METTL15: variants seen among roughly 807,000 people sequenced by gnomAD.
METTL15 encodes 12S rRNA N(4)-cytidine methyltransferase METTL15.
A neutral mutation model predicts 38.3 loss-of-function variants in METTL15; 34 were observed. The observed-to-expected ratio is 0.89, with a 90% CI of 0.68 to 1.18. The LOEUF (loss-of-function observed/expected upper bound fraction) is 1.18, where lower values mean the gene tolerates loss of function less well. Among genes scored for constraint, METTL15 ranks in the 50% most tolerant of loss-of-function variants. The pLI, the probability that METTL15 is intolerant of heterozygous loss-of-function variation, is 0.00. For synonymous variants in METTL15, 162 were observed against 170.9 expected (o/e 0.95, Z 0.41); for missense variants, 438 against 498.4 (o/e 0.88, Z 1.15).
At chr11:28,150,616 A>G (rs1850047479) in intron 3 of METTL15, among the ~76,000 whole-genome samples, 2 of 147,582 alleles carry the variant, frequency 1.4e-5, no homozygotes, top group South Asian at 2.2e-4. Flanking sequence ...CTTTATACAC[A>G]TATCGCCTGT....
chr11:28,378,478 C>G (rs1038846984), intron 5 of METTL15, among the ~76,000 whole-genome samples: 4 of 152,256 alleles, frequency 2.6e-5, no homozygotes, highest in African/African-American at 4.8e-5. Flanking sequence ...ACCCCTTGCG[C>G]TTCCCAAGTG....
intron 3 of METTL15, among the ~76,000 whole-genome samples, chr11:28,348,331 CTG>C (rs1564902833): frequency 6.6e-6 from 1 of 152,140 alleles, no homozygotes; most frequent in Non-Finnish European, 1.5e-5. Context: ...AAGCTTTCTG[CTG>C]TAAGGAAGAG....
chr11:28,481,322 G>A (rs1019470274), intron 6 of METTL15, among the ~76,000 whole-genome samples: 1 of 152,174 alleles, frequency 6.6e-6, no homozygotes, highest in African/African-American at 2.4e-5. Context: ...AGAACTACAG[G>A]ACGATAAAAG....
At chr11:28,225,180 TC>T in intron 4 of METTL15, among the ~76,000 whole-genome samples, 1 of 152,046 alleles carries the variant, frequency 6.6e-6, no homozygotes, top group East Asian at 1.9e-4. Flanking sequence ...TAGTGTCTAC[TC>T]TTATGATAAC....
At chr11:28,386,023 A>C (rs1157260231) in intron 5 of METTL15, among the ~76,000 whole-genome samples, 1 of 152,110 alleles carries the variant, frequency 6.6e-6, no homozygotes, top group Non-Finnish European at 1.5e-5. Context: ...ATCTGATTGA[A>C]GTTGTTACCA....
chr11:28,277,684 G>A (rs896582037), intron 4 of METTL15, among the ~76,000 whole-genome samples: 7 of 151,374 alleles, frequency 4.6e-5, no homozygotes, highest in South Asian at 2.1e-4. Flanking sequence ...AGCAAGACTC[G>A]GTTTAAAAAA....
intron 3 of METTL15, chr11:28,164,130 A>G (rs1354739527): frequency 3.3e-5 from 5 of 152,102 alleles, no homozygotes; most frequent in African/African-American, 1.2e-4. Context: ...AAATCACTAT[A>G]TCTCTTTGGG....
intron 3 of METTL15, among the ~76,000 whole-genome samples, chr11:28,147,914 C>G (rs1290714730): frequency 6.6e-6 from 1 of 151,758 alleles, no homozygotes; most frequent in African/African-American, 2.4e-5. Context: ...GAGTTTAATG[C>G]TCTATCTAAC....
At chr11:28,366,182 G>C (rs1850183678) in intron 5 of METTL15, among the ~76,000 whole-genome samples, 1 of 151,932 alleles carries the variant, frequency 6.6e-6, no homozygotes, top group Non-Finnish European at 1.5e-5. Flanking sequence ...TTAGTTCAGG[G>C]GTCCTTTTGT....
At chr11:28,257,460 C>A (rs1457766396) in intron 4 of METTL15, among the ~76,000 whole-genome samples, 1 of 152,176 alleles carries the variant, frequency 6.6e-6, no homozygotes, top group Non-Finnish European at 1.5e-5. Flanking sequence ...CAGTTATTAT[C>A]CCTCTGAATA....
chr11:28,280,042 A>G (rs561671564), intron 4 of METTL15, among the ~76,000 whole-genome samples: 18 of 152,108 alleles, frequency 1.2e-4, no homozygotes, highest in Non-Finnish European at 2.2e-4. Context: ...TGCCACTACC[A>G]TATATTTTAA....
At chr11:28,356,876 C>G (rs1291879744) in intron 4 of METTL15, among the ~76,000 whole-genome samples, 4 of 152,122 alleles carry the variant, frequency 2.6e-5, no homozygotes, top group Admixed American at 1.3e-4. Flanking sequence ...CTGGCTGAAC[C>G]AGGATGTGCT....
At chr11:28,333,979 TAATG>T (rs1404834491), downstream of METTL15, among the ~76,000 whole-genome samples, 5 of 151,874 alleles carry the variant, frequency 3.3e-5, no homozygotes, top group Admixed American at 1.3e-4. Context: ...GAAGTAGAGA[TAATG>T]AATCTGTACT....
At chr11:28,116,589 C>G (rs1851968913) in intron 3 of METTL15, among the ~76,000 whole-genome samples, 3 of 152,134 alleles carry the variant, frequency 2.0e-5, no homozygotes, top group Admixed American at 2.0e-4. Context: ...AGGCAGTTTT[C>G]ATGAACTAAA....
At chr11:28,503,957 A>G (rs1197294790) in intron 6 of METTL15, among the ~76,000 whole-genome samples, 1 of 151,896 alleles carries the variant, frequency 6.6e-6, no homozygotes, top group East Asian at 1.9e-4. Flanking sequence ...GCACTTTGGG[A>G]GTCCAAGGCA....
chr11:28,367,805 A>T (rs1850201146), intron 5 of METTL15, among the ~76,000 whole-genome samples: 1 of 152,338 alleles, frequency 6.6e-6, no homozygotes, highest in Middle Eastern at 3.4e-3. Flanking sequence ...ATCTACAACT[A>T]TCTGATCTTT....
In METTL15 at chr11:28,280,129, C is replaced by A. The variant is rs150242232; in HGVS notation, c.408-10077C>A. Among the ~76,000 whole-genome samples the A allele has an allele frequency of 7.2e-5, 11 of 152,214 alleles. No individual in the cohort carries two copies. The East Asian group carries it at 1.9e-3, about 27-fold the overall frequency. On this transcript the variant is annotated intron_variant, in intron 4 of 6. Coordinates refer to ENST00000407364, the MANE Select transcript of METTL15 (RefSeq NM_001113528.2). ...TTAATCTGTAATTACCATATACTTACACTTTCCATTGCTTTTTTTCCCATT... is the reference window on the plus strand; with the variant it reads ...TTAATCTGTAATTACCATATACTTAAACTTTCCATTGCTTTTTTTCCCATT...
chr11:28,398,023 G>C (rs958360664), intron 5 of METTL15, among the ~76,000 whole-genome samples: 1 of 151,896 alleles, frequency 6.6e-6, no homozygotes, highest in African/African-American at 2.4e-5. Flanking sequence ...CTCACTCATA[G>C]ATGGGAATTG....
Position 28,330,487 on chromosome 11 carries a change from A to G in METTL15, c.870A>G (p.Ile290Met), listed in dbSNP as rs559762203. 1.9e-6 allele frequency: 3 copies of G among 1,551,530 alleles called. No individual in the cohort carries two copies. The East Asian group carries it at 7.3e-5, about 38-fold the overall frequency. Reference protein sequence around the residue: ...IATKTFQALRIFVNNELNELY... With the variant: ...IATKTFQALRMFVNNELNELY... The stretch of plus-strand genomic sequence containing the variant: ...CCAAGACTTTCCAGGCTCTTCGCAT[A>G]TTTGTGAACAATGAGCTCAATGAAC... Residue 290 changes from isoleucine to methionine, a missense_variant, in exon 7 of 7, where the codon ATA (isoleucine) becomes ATG (methionine). Physicochemically the swap from Ile to Met is conservative, Grantham distance 10 (BLOSUM62 1). Transcript: ENST00000407364.
Sources: allele counts gnomAD v4.1 joint callset (sites outside exome capture counted in the v4.1 genomes callset), GRCh38; gene constraint gnomAD v4.1.1; transcripts MANE v1.5; gene names NCBI Gene and HGNC (gene_info 2026-07-23, HGNC 2026-07-21).